Variants in CDYL observed in about 807,000 individuals in gnomAD.
CDYL encodes the protein chromodomain Y like.
CDYL carries 8 observed loss-of-function variants against 47.3 expected under a neutral mutation model. The observed-to-expected ratio is 0.17, with a 90% CI of 0.10 to 0.31. The LOEUF (loss-of-function observed/expected upper bound fraction) is 0.31, where lower values mean the gene tolerates loss of function less well. CDYL is among the 10% of genes least tolerant of loss of function. The probability of loss-of-function intolerance (pLI) is 1.00; values close to 1 mark genes in which losing one functional copy is unlikely to be tolerated. For synonymous variants in CDYL, 266 were observed against 265.0 expected, an observed-to-expected ratio of 1.00 and a Z score of -0.04; for missense variants, 471 against 701.4, an observed-to-expected ratio of 0.67 and a Z score of 3.71.
chr6:4,835,453 C>T lies in CDYL; in HGVS notation c.25-56260C>T, dbSNP rs150783653. 4.1e-3 allele frequency among the ~76,000 whole-genome samples: 622 copies of T among 152,270 alleles called. 1 individual carries two copies. Among genetic ancestry groups the T allele is most frequent in the African/African-American group, 0.014 (580 of 41,552 alleles). On this transcript the variant is annotated intron_variant, in intron 1 of 6. Transcript: ENST00000397588. ...GGAAGTTTTGTCTCAGAGGAGTACC[C>T]GGCCATGTGAGATGTCAGTCCGCCC... is the stretch of plus-strand genomic sequence containing the variant.
intron 2 of CDYL, among the ~76,000 whole-genome samples, chr6:4,732,677 G>T (rs541240117): frequency 2.0e-4 from 31 of 151,430 alleles, no homozygotes; most frequent in Middle Eastern, 6.8e-3. Context: ...AAAAAAAGAG[G>T]GGGGGATTGG....
intron 1 of CDYL, among the ~76,000 whole-genome samples, chr6:4,789,575 C>T (rs543336269): frequency 6.6e-6 from 1 of 152,314 alleles, no homozygotes; most frequent in African/African-American, 2.4e-5. Context: ...CCAGTACAGT[C>T]CTTGAGGAGC....
intron 1 of CDYL, among the ~76,000 whole-genome samples, chr6:4,835,290 G>T (rs529603778): frequency 6.6e-6 from 1 of 152,320 alleles, no homozygotes; most frequent in Admixed American, 6.5e-5. Flanking sequence ...CTTTCTAACA[G>T]ACAGGACCCT....
chr6:4,731,843 C>T (rs910714593), intron 2 of CDYL, among the ~76,000 whole-genome samples: 6 of 151,654 alleles, frequency 4.0e-5, no homozygotes, highest in Admixed American at 4.0e-4. Context: ...GAAATCATTG[C>T]CTCCTGCAAA....
intron 2 of CDYL, among the ~76,000 whole-genome samples, chr6:4,893,317 C>A (rs947670277): frequency 1.3e-5 from 2 of 152,210 alleles, no homozygotes; most frequent in Non-Finnish European, 2.9e-5. Flanking sequence ...CAGGGCCGCA[C>A]GTGGTCCCTT....
chr6:4,720,571 A>G (rs550181823), intron 2 of CDYL, among the ~76,000 whole-genome samples: 56 of 152,358 alleles, frequency 3.7e-4, no homozygotes, highest in African/African-American at 1.3e-3. Context: ...AAAGGGAGCC[A>G]TCCTAAGATG....
At chr6:4,936,007 C>T (rs916422054) in intron 3 of CDYL, among the ~76,000 whole-genome samples, 3 of 152,200 alleles carry the variant, frequency 2.0e-5, no homozygotes, top group African/African-American at 7.2e-5. Flanking sequence ...TCCCCATTCT[C>T]CCGGGTGTGG....
chr6:4,942,572 T>C (rs1309085461), intron 4 of CDYL, among the ~76,000 whole-genome samples: 1 of 152,246 alleles, frequency 6.6e-6, no homozygotes, highest in Admixed American at 6.5e-5. Flanking sequence ...CTGAAGGGAC[T>C]ATCTTGTGTT....
At chr6:4,855,770 T>C (rs1659624847) in intron 1 of CDYL, among the ~76,000 whole-genome samples, 1 of 152,226 alleles carries the variant, frequency 6.6e-6, no homozygotes, top group Non-Finnish European at 1.5e-5. Flanking sequence ...CACTGTTCTG[T>C]TCTGGCTCGT....
chr6:4,917,827 A>G (rs532392300), intron 2 of CDYL, among the ~76,000 whole-genome samples: 1 of 152,326 alleles, frequency 6.6e-6, no homozygotes, highest in East Asian at 1.9e-4. Flanking sequence ...TTACAGATGT[A>G]CTTCCAAATG....
At chr6:4,766,610 A>G (rs1758255492) in intron 3 of CDYL, among the ~76,000 whole-genome samples, 1 of 152,220 alleles carries the variant, frequency 6.6e-6, no homozygotes, top group African/African-American at 2.4e-5. Context: ...GCATACAGGT[A>G]TCAAAAGAAG....
chr6:4,803,140 C>T (rs116403715), intron 1 of CDYL, among the ~76,000 whole-genome samples: 2,810 of 152,312 alleles, frequency 0.018, 98 homozygotes, highest in African/African-American at 0.064. Flanking sequence ...TGATCACTTG[C>T]ATCCACCTAT....
intron 1 of CDYL, among the ~76,000 whole-genome samples, chr6:4,786,396 G>A (rs1561636959): frequency 6.6e-6 from 1 of 151,180 alleles, no homozygotes; most frequent in Non-Finnish European, 1.5e-5. Flanking sequence ...TGCTGTGTGT[G>A]TGTACTCTGG....
At chr6:4,923,488 G>T (rs893351691) in intron 2 of CDYL, among the ~76,000 whole-genome samples, 1 of 152,100 alleles carries the variant, frequency 6.6e-6, no homozygotes, top group Non-Finnish European at 1.5e-5. Flanking sequence ...CACTTAGGTT[G>T]GTTTCATATC....
chr6:4,809,603 G>A (rs186116810), intron 1 of CDYL, among the ~76,000 whole-genome samples: 1 of 150,516 alleles, frequency 6.6e-6, no homozygotes, highest in Non-Finnish European at 1.5e-5. Context: ...GTGATCCTTT[G>A]TATGGTAGGG....
intron 1 of CDYL, among the ~76,000 whole-genome samples, chr6:4,853,884 C>T (rs1307956400): frequency 1.3e-5 from 2 of 152,162 alleles, no homozygotes; most frequent in Non-Finnish European, 2.9e-5. Flanking sequence ...CGTGTGCTCC[C>T]GTGCCTTCGC....
At chr6:4,863,645 A>G (rs1476436213) in intron 1 of CDYL, among the ~76,000 whole-genome samples, 1 of 152,186 alleles carries the variant, frequency 6.6e-6, no homozygotes, top group African/African-American at 2.4e-5. Context: ...TGCTCCTAGA[A>G]AGCCATTTTG....
chr6:4,812,751 G>C (rs968339508), intron 1 of CDYL, among the ~76,000 whole-genome samples: 2 of 151,416 alleles, frequency 1.3e-5, no homozygotes, highest in Non-Finnish European at 2.9e-5. Context: ...AGATTGTATT[G>C]AATTTCTAGA....
chr6:4,900,722 T>C (rs1021536839), intron 2 of CDYL, among the ~76,000 whole-genome samples: 28 of 143,340 alleles, frequency 2.0e-4, no homozygotes, highest in African/African-American at 7.3e-4. Context: ...AGGAAAACTG[T>C]TTTTGCAAGT....
Sources: allele counts gnomAD v4.1 joint callset (sites outside exome capture counted in the v4.1 genomes callset), GRCh38; gene constraint gnomAD v4.1.1; transcripts MANE v1.5; gene names NCBI Gene and HGNC (gene_info 2026-07-23, HGNC 2026-07-21).